The following PPARG variants were observed in gnomAD, a reference collection of about 807,000 sequenced individuals.
PPARG encodes peroxisome proliferator activated receptor gamma, also known as peroxisome proliferator-activated receptor gamma.
Under a neutral mutation model 39.2 loss-of-function variants are expected in PPARG, and 17 were observed. The observed-to-expected ratio is 0.43, with a 90% CI of 0.30 to 0.65. The LOEUF is 0.65. Among genes scored for constraint, PPARG ranks in the 30% least tolerant of loss-of-function variants. The probability of loss-of-function intolerance (pLI) is 0.13; values close to 1 mark genes in which losing one functional copy is unlikely to be tolerated. For synonymous variants in PPARG, 223 were observed against 215.7 expected (o/e 1.03, Z -0.30); for missense variants, 406 against 585.9 (o/e 0.69, Z 3.17).
chr3:12,421,673 C>T (rs2051266124), intron 7 of PPARG, among the ~76,000 whole-genome samples: 1 of 152,208 alleles, frequency 6.6e-6, no homozygotes, highest in Non-Finnish European at 1.5e-5. Context: ...AGGAAATTCA[C>T]TGGATTTTAC....
chr3:12,328,312 C>G (rs2125040853), intron 2 of PPARG: 2 of 1,043,358 alleles, frequency 1.9e-6, no homozygotes, highest in South Asian at 2.7e-5. Context: ...TCCTGCCCCT[C>G]TCATTCCTGG....
intron 2 of PPARG, among the ~76,000 whole-genome samples, chr3:12,361,499 A>C (rs967885823): frequency 6.6e-6 from 1 of 152,236 alleles, no homozygotes; most frequent in Non-Finnish European, 1.5e-5. Flanking sequence ...ATTTAGATCC[A>C]TAATCCACAC....
At chr3:12,363,063 G>A (rs1170120293) in intron 2 of PPARG, among the ~76,000 whole-genome samples, 1 of 151,976 alleles carries the variant, frequency 6.6e-6, no homozygotes, top group Non-Finnish European at 1.5e-5. Context: ...TGGGACCACA[G>A]CACATCACCA....
chr3:12,289,328 A>C (rs1489141431), intron 1 of PPARG, among the ~76,000 whole-genome samples, 194 bp downstream of exon 1: 3 of 152,208 alleles, frequency 2.0e-5, no homozygotes, highest in Admixed American at 6.5e-5. Flanking sequence ...ATCAAGTCAA[A>C]AATAGTCGTC....
chr3:12,424,277 G>A (rs903909842), intron 7 of PPARG, among the ~76,000 whole-genome samples: 5 of 152,166 alleles, frequency 3.3e-5, no homozygotes, highest in African/African-American at 1.2e-4. Flanking sequence ...TACATATACA[G>A]GCTTTTGTTG....
intron 2 of PPARG, among the ~76,000 whole-genome samples, chr3:12,339,868 T>C (rs1215248011): frequency 1.3e-5 from 2 of 152,236 alleles, no homozygotes; most frequent in African/African-American, 4.8e-5. Context: ...TTATTCAGCA[T>C]GGCATATGTG....
chr3:12,355,879 A>C (rs997857203), intron 2 of PPARG, among the ~76,000 whole-genome samples: 6 of 152,226 alleles, frequency 3.9e-5, no homozygotes, highest in African/African-American at 1.4e-4. Flanking sequence ...TATACCTCTC[A>C]CAGAGGTTGT....
At chr3:12,314,843 A>G (rs947618727) in intron 2 of PPARG, among the ~76,000 whole-genome samples, 2 of 152,164 alleles carry the variant, frequency 1.3e-5, no homozygotes, top group African/African-American at 2.4e-5. Flanking sequence ...TTTAATTAAC[A>G]TATAATTGTA....
At position 12,405,864 on chromosome 3, in the gene PPARG, A is replaced by G. The variant is rs2050640873; in HGVS notation, c.530-18A>G. On this transcript the variant is annotated intron_variant, in intron 5 of 7. Transcript: ENST00000651735. ...TAGTAATCCAATGATTCATCCTGTCATTCCTCTTCCTCTATAGCCATCAGG... is the reference window on the plus strand; with the variant it reads ...TAGTAATCCAATGATTCATCCTGTCGTTCCTCTTCCTCTATAGCCATCAGG... 6.2e-7 allele frequency: 1 copy of G among 1,609,064 alleles called. No homozygotes were observed. Among genetic ancestry groups the G allele is most frequent in the Non-Finnish European group, 8.5e-7 (1 of 1,175,696 alleles).
In PPARG at chr3:12,367,953, A is replaced by G. The variant is rs148040048; in HGVS notation, c.-8-11751A>G. 8.7e-4 allele frequency among the ~76,000 whole-genome samples: 132 copies of G among 151,918 alleles called. 1 individual carries two copies. Among genetic ancestry groups the G allele is most frequent in the African/African-American group, 3.1e-3 (129 of 41,522 alleles). ...TACCCTTTGTTGATCTGAATTTGAA[A>G]ATTTCCTGTGAGACCTTCTGGCTTA... On this transcript the variant is annotated intron_variant, in intron 2 of 7. Transcript: ENST00000651735.
chr3:12,328,264 G>T, intron 2 of PPARG: 1 of 1,504,658 alleles, frequency 6.6e-7, no homozygotes, highest in South Asian at 1.2e-5. Context: ...CTGATGGCAC[G>T]AAGGGCCCAG....
intron 1 of PPARG, among the ~76,000 whole-genome samples, chr3:12,299,449 C>A (rs1023902682): frequency 2.6e-5 from 4 of 152,018 alleles, no homozygotes; most frequent in Non-Finnish European, 5.9e-5. Context: ...TTTCCCAGCT[C>A]TCTTACTATC....
At chr3:12,374,870 C>T (rs1251366797) in intron 2 of PPARG, among the ~76,000 whole-genome samples, 2 of 152,100 alleles carry the variant, frequency 1.3e-5, no homozygotes, top group African/African-American at 2.4e-5. Flanking sequence ...GTAAAGGCTA[C>T]TATGAAAAGC....
intron 5 of PPARG, among the ~76,000 whole-genome samples, chr3:12,405,546 A>G (rs1326130354): frequency 2.0e-5 from 3 of 152,196 alleles, no homozygotes; most frequent in African/African-American, 7.2e-5. Context: ...TGACCTTTGA[A>G]TTGGGTCTTG....
At chr3:12,290,250 G>A (rs188511028) in intron 1 of PPARG, among the ~76,000 whole-genome samples, 30 of 152,050 alleles carry the variant, frequency 2.0e-4, no homozygotes, top group African/African-American at 7.2e-4. Flanking sequence ...AACAATAACT[G>A]CTGTAAAACC....
intron 5 of PPARG, among the ~76,000 whole-genome samples, chr3:12,402,342 C>T (rs1022386209): frequency 2.6e-5 from 4 of 152,146 alleles, no homozygotes; most frequent in African/African-American, 4.8e-5. Flanking sequence ...CGCCTTCTTA[C>T]TTAGTGCTTT....
chr3:12,347,403 A>G (rs1184619786), intron 2 of PPARG, among the ~76,000 whole-genome samples: 1 of 150,418 alleles, frequency 6.6e-6, no homozygotes, highest in Non-Finnish European at 1.5e-5. Flanking sequence ...TTATGGGACT[A>G]TCCGGCTTGT....
chr3:12,339,717 C>T (rs1293139494), intron 2 of PPARG, among the ~76,000 whole-genome samples: 1 of 152,076 alleles, frequency 6.6e-6, no homozygotes, highest in Non-Finnish European at 1.5e-5. Context: ...CTTTGGTTTC[C>T]CCATCTGTAA....
chr3:12,367,619 C>T (rs552711465), intron 2 of PPARG, among the ~76,000 whole-genome samples: 4 of 150,492 alleles, frequency 2.7e-5, no homozygotes, highest in East Asian at 3.9e-4. Context: ...GAGGCTGAGG[C>T]GGGAGGATTG....
Sources: allele counts gnomAD v4.1 joint callset (sites outside exome capture counted in the v4.1 genomes callset), GRCh38; gene constraint gnomAD v4.1.1; transcripts MANE v1.5; gene names NCBI Gene and HGNC (gene_info 2026-07-23, HGNC 2026-07-21).